The following PTPN2 variants were observed in gnomAD, a reference collection of about 807,000 sequenced individuals.
The protein encoded by PTPN2 is tyrosine-protein phosphatase non-receptor type 2.
PTPN2 carries 19 observed loss-of-function variants against 57.3 expected under a neutral mutation model. The ratio of observed to expected loss-of-function variants is 0.33; its 90% CI spans 0.23 to 0.49. The LOEUF is 0.49. Ranked by LOEUF, PTPN2 falls within the 20% of genes least tolerant of loss-of-function variation. The pLI is 0.99. For missense variants in PTPN2, 358 were observed against 501.1 expected (o/e 0.71, Z 2.73); for synonymous variants, 153 against 164.9 (o/e 0.93, Z 0.55).
intron 8 of PTPN2, among the ~76,000 whole-genome samples, chr18:12,796,737 G>A (rs1038271281): frequency 6.6e-6 from 1 of 152,054 alleles, no homozygotes; most frequent in Admixed American, 6.5e-5. Context: ...CTCCAAATTT[G>A]TTCCCCACTA....
intron 2 of PTPN2, among the ~76,000 whole-genome samples, chr18:12,853,807 G>A (rs1455302301): frequency 6.6e-6 from 1 of 152,066 alleles, no homozygotes; most frequent in Non-Finnish European, 1.5e-5. Flanking sequence ...GTGTGTAAAG[G>A]GGTCAATCTC....
At chr18:12,827,352 A>T (rs56062842) in intron 4 of PTPN2, among the ~76,000 whole-genome samples, 46,319 of 141,498 alleles carry the variant, frequency 0.33, 8,884 homozygotes, top group Middle Eastern at 0.45. Context: ...CAAAAAAAAA[A>T]AAAAATAATA....
At chr18:12,870,311 ATATATATGTG>A (rs1568168398) in intron 1 of PTPN2, among the ~76,000 whole-genome samples, 10 of 59,626 alleles carry the variant, frequency 1.7e-4, no homozygotes, top group Non-Finnish European at 2.6e-4. Flanking sequence ...GTATATATAC[ATATATATGTG>A]TATATATATG....
chr18:12,789,789 T>TA (rs1429339003), downstream of PTPN2, among the ~76,000 whole-genome samples: 19 of 152,196 alleles, frequency 1.2e-4, no homozygotes, highest in Non-Finnish European at 2.8e-4. Context: ...ACTACATTTT[T>TA]AAAAAACATA....
chr18:12,840,481 T>C (rs190183617), intron 2 of PTPN2, among the ~76,000 whole-genome samples: 189 of 152,312 alleles, frequency 1.2e-3, no homozygotes, highest in Non-Finnish European at 1.6e-3. Context: ...AGGTTTCCAA[T>C]TGACCACAAA....
At chr18:12,798,287 T>C (rs2041270155) in intron 8 of PTPN2, among the ~76,000 whole-genome samples, 1 of 152,202 alleles carries the variant, frequency 6.6e-6, no homozygotes, top group Admixed American at 6.5e-5. Context: ...GCTTGTTACA[T>C]AAGCTTGAAA....
intron 4 of PTPN2, among the ~76,000 whole-genome samples, chr18:12,829,858 C>T (rs2042607897): frequency 6.6e-6 from 1 of 152,114 alleles, no homozygotes; most frequent in Admixed American, 6.5e-5. Flanking sequence ...GAACAATAAT[C>T]AGACATTATG....
chr18:12,789,854 CTCTGTA>C (rs1358555434), downstream of PTPN2, among the ~76,000 whole-genome samples: 1 of 119,670 alleles, frequency 8.4e-6, no homozygotes, highest in East Asian at 2.9e-4. Context: ...TTATATATCT[CTCTGTA>C]TGTGTGTGTG....
chr18:12,859,919 G>A (rs145376600), intron 1 of PTPN2, among the ~76,000 whole-genome samples: 10,163 of 152,208 alleles, frequency 0.067, 443 homozygotes, highest in East Asian at 0.14. Flanking sequence ...TTGGGAGGCC[G>A]AGGCAGGCGG....
chr18:12,855,327 G>A (rs186079660), intron 2 of PTPN2, among the ~76,000 whole-genome samples: 27 of 151,922 alleles, frequency 1.8e-4, no homozygotes, highest in African/African-American at 6.3e-4. Flanking sequence ...AAAAGAGAGC[G>A]AACCATATTT....
chr18:12,813,109 G>A (rs2041952947), intron 7 of PTPN2, among the ~76,000 whole-genome samples: 1 of 152,114 alleles, frequency 6.6e-6, no homozygotes, highest in South Asian at 2.1e-4. Flanking sequence ...CAGCCAGGAA[G>A]CAGGCAGGGA....
intron 1 of PTPN2, among the ~76,000 whole-genome samples, chr18:12,860,076 T>C (rs2145477846): frequency 6.6e-6 from 1 of 150,892 alleles, no homozygotes; most frequent in South Asian, 2.1e-4. Flanking sequence ...TCACCTGAGG[T>C]CAGGAGTTTG....
At chr18:12,812,077 C>T (rs1234119483) in intron 7 of PTPN2, among the ~76,000 whole-genome samples, 4 of 152,086 alleles carry the variant, frequency 2.6e-5, no homozygotes, top group South Asian at 4.1e-4. Context: ...TTCTGAATTG[C>T]CAAACTAGAT....
chr18:12,804,289 C>CA (rs59927276), intron 7 of PTPN2, among the ~76,000 whole-genome samples: 48,932 of 67,966 alleles, frequency 0.72, 17,987 homozygotes, highest in South Asian at 0.88. Context: ...GAAACTGTCT[C>CA]AAAAAAAAAA....
chr18:12,807,150 G>C (rs538770311), intron 7 of PTPN2, among the ~76,000 whole-genome samples: 1 of 152,138 alleles, frequency 6.6e-6, no homozygotes, highest in South Asian at 2.1e-4. Flanking sequence ...TTTCTTAAAA[G>C]ACATACAAAG....
intron 1 of PTPN2, among the ~76,000 whole-genome samples, chr18:12,873,435 G>A (rs1373968700): frequency 2.0e-5 from 3 of 152,226 alleles, no homozygotes; most frequent in South Asian, 2.1e-4. Context: ...GTGCAGGTGC[G>A]CGCCGCCATG....
At chr18:12,847,544 T>C (rs1359704131) in intron 2 of PTPN2, among the ~76,000 whole-genome samples, 2 of 152,088 alleles carry the variant, frequency 1.3e-5, no homozygotes, top group Non-Finnish European at 2.9e-5. Flanking sequence ...ACCACTCCAG[T>C]GCATCAATAG....
intron 1 of PTPN2, among the ~76,000 whole-genome samples, chr18:12,866,654 A>G (rs976885026): frequency 3.3e-5 from 5 of 152,092 alleles, no homozygotes; most frequent in Non-Finnish European, 7.4e-5. Context: ...ATTTAGTTCC[A>G]CAGCTGTGAA....
downstream of PTPN2, among the ~76,000 whole-genome samples, chr18:12,789,825 CTT>C (rs1386672286): frequency 6.6e-6 from 1 of 151,380 alleles, no homozygotes; most frequent in Non-Finnish European, 1.5e-5. Flanking sequence ...TTTAAAATAT[CTT>C]TATTTTTATA....
Sources: gnomAD v4.1 joint callset for allele counts (sites outside exome capture counted in the v4.1 genomes callset) on GRCh38, gnomAD v4.1.1 for gene constraint, MANE v1.5 for transcripts, NCBI Gene and HGNC (gene_info 2026-07-23, HGNC 2026-07-21) for gene names.